C1QTNF3: variants seen among roughly 807,000 people sequenced by gnomAD.
The protein encoded by C1QTNF3 is complement C1q tumor necrosis factor-related protein 3.
C1QTNF3 carries 26 observed loss-of-function variants against 32.6 expected under a neutral mutation model. The observed-to-expected ratio is 0.80, with a 90% CI of 0.58 to 1.11. C1QTNF3 has a LOEUF of 1.11. Ranked by LOEUF, C1QTNF3 falls within the 50% of genes least tolerant of loss-of-function variation. C1QTNF3 has a pLI of 0.00. For synonymous variants in C1QTNF3, 155 were observed against 146.0 expected (o/e 1.06, Z -0.44); for missense variants, 362 against 398.2 (o/e 0.91, Z 0.77).
At chr5:34,170,750 A>G in the C1QTNF3 span, among the ~76,000 whole-genome samples, 2 of 152,202 alleles carry the variant, frequency 1.3e-5, no homozygotes, top group Admixed American at 1.3e-4. Context: ...CCTTAAATTC[A>G]GTACACAAGA....
chr5:34,202,851 C>G, the C1QTNF3 span, among the ~76,000 whole-genome samples: 1 of 151,738 alleles, frequency 6.6e-6, no homozygotes, highest in African/African-American at 2.4e-5. Flanking sequence ...TTCACTAAAC[C>G]TCTCTCAGCT....
the C1QTNF3 span, among the ~76,000 whole-genome samples, chr5:34,080,296 T>C: frequency 2.0e-5 from 3 of 151,772 alleles, no homozygotes; most frequent in South Asian, 2.1e-4. Flanking sequence ...ATCTTCATTA[T>C]TAGGATCTCA....
At chr5:34,171,381 A>T in the C1QTNF3 span, among the ~76,000 whole-genome samples, 4 of 151,340 alleles carry the variant, frequency 2.6e-5, no homozygotes, top group African/African-American at 9.7e-5. Flanking sequence ...TATATTATAT[A>T]CTATAAATTC....
At chr5:34,121,690 T>C in the C1QTNF3 span, among the ~76,000 whole-genome samples, 1 of 152,140 alleles carries the variant, frequency 6.6e-6, no homozygotes, top group African/African-American at 2.4e-5. Context: ...CAGGGAGAAT[T>C]AGAAAAATGA....
the C1QTNF3 span, among the ~76,000 whole-genome samples, chr5:34,123,229 G>C: frequency 6.6e-6 from 1 of 152,090 alleles, no homozygotes; most frequent in African/African-American, 2.4e-5. Flanking sequence ...TGGGGGCAAG[G>C]CTGCCTCCAT....
chr5:34,018,375 G>A lies in C1QTNF3; in HGVS notation c.*2208C>T, dbSNP rs1353360190. Among the ~76,000 whole-genome samples, 1 of 152,098 alleles carries A rather than the reference G, an allele frequency of 6.6e-6. No individual in the cohort carries two copies. The highest frequency in any genetic ancestry group is 1.5e-5 in the Non-Finnish European group (1 of 68,004). On this transcript the variant is annotated 3_prime_UTR_variant, in exon 6 of 6. Coordinates refer to ENST00000382065, the MANE Select transcript of C1QTNF3 (RefSeq NM_181435.6). ...GCTAGATACTGTTTCTCTCTCCTGT[G>A]AATTCCTAGCCCTTTGCCTTCTATG...
the C1QTNF3 span, among the ~76,000 whole-genome samples, chr5:34,217,358 T>C: frequency 6.6e-6 from 1 of 152,136 alleles, no homozygotes; most frequent in East Asian, 1.9e-4. Flanking sequence ...TGTCCTCTTT[T>C]ACATATAGGA....
chr5:34,139,731 C>T, the C1QTNF3 span, among the ~76,000 whole-genome samples: 1 of 152,160 alleles, frequency 6.6e-6, no homozygotes, highest in Non-Finnish European at 1.5e-5. Flanking sequence ...TTTCTCTCTG[C>T]ATCATCTAGG....
upstream of C1QTNF3, among the ~76,000 whole-genome samples, chr5:34,044,222 T>G (rs1754943099): frequency 6.6e-6 from 1 of 152,220 alleles, no homozygotes; most frequent in Non-Finnish European, 1.5e-5. Flanking sequence ...AAATGGACAT[T>G]CCTAATTGCT....
At chr5:34,082,167 A>G in the C1QTNF3 span, among the ~76,000 whole-genome samples, 1 of 151,598 alleles carries the variant, frequency 6.6e-6, no homozygotes, top group Admixed American at 6.6e-5. Flanking sequence ...GATATAAATG[A>G]GATGTTGCTT....
the C1QTNF3 span, among the ~76,000 whole-genome samples, chr5:34,089,121 G>T: frequency 2.6e-5 from 4 of 152,288 alleles, 1 homozygote; most frequent in African/African-American, 9.6e-5. Flanking sequence ...GGGCTGTGAA[G>T]CAGTTTCAAG....
the C1QTNF3 span, among the ~76,000 whole-genome samples, chr5:34,222,930 C>T: frequency 3.3e-5 from 5 of 151,852 alleles, no homozygotes; most frequent in African/African-American, 1.2e-4. Flanking sequence ...TGACTCCCTC[C>T]TTCTTATTAA....
the C1QTNF3 span, among the ~76,000 whole-genome samples, chr5:34,138,359 C>T: frequency 4.6e-5 from 7 of 152,030 alleles, no homozygotes; most frequent in Non-Finnish European, 1.0e-4. Flanking sequence ...ATAATATATA[C>T]AACATATAAA....
At chr5:34,031,064 A>G (rs986572892) in intron 3 of C1QTNF3, among the ~76,000 whole-genome samples, 2 of 152,194 alleles carry the variant, frequency 1.3e-5, no homozygotes, top group Non-Finnish European at 2.9e-5. Context: ...AAACCTGCAC[A>G]TGTACCCCTG....
At chr5:34,068,803 T>C in the C1QTNF3 span, among the ~76,000 whole-genome samples, 1 of 152,176 alleles carries the variant, frequency 6.6e-6, no homozygotes, top group South Asian at 2.1e-4. Context: ...TAACATTATA[T>C]GTGAAAAGGC....
At chr5:34,103,734 A>C in the C1QTNF3 span, among the ~76,000 whole-genome samples, 17 of 143,112 alleles carry the variant, frequency 1.2e-4, no homozygotes, top group African/African-American at 4.5e-4. Context: ...AGGCAAGAGA[A>C]TTGCTTAAAC....
Position 34,018,958 on chromosome 5 carries a change from C to T in C1QTNF3, c.*1625G>A, listed in dbSNP as rs989737398. Among the ~76,000 whole-genome samples, 2 of 152,108 alleles carry T rather than the reference C, an allele frequency of 1.3e-5. No homozygotes were observed. Among genetic ancestry groups the T allele is most frequent in the Non-Finnish European group, 2.9e-5 (2 of 68,030 alleles). ...CCTGGTCAACATGGTGAAACCCCATCTCTATTAGAAACATTAAAAATTAGC... is the reference window on the plus strand; with the variant it reads ...CCTGGTCAACATGGTGAAACCCCATTTCTATTAGAAACATTAAAAATTAGC... On this transcript the variant is annotated 3_prime_UTR_variant, in exon 6 of 6. Coordinates refer to ENST00000382065, the MANE Select transcript of C1QTNF3 (RefSeq NM_181435.6).
At chr5:34,053,294 C>T in the C1QTNF3 span, among the ~76,000 whole-genome samples, 2 of 152,208 alleles carry the variant, frequency 1.3e-5, no homozygotes, top group Non-Finnish European at 2.9e-5. Flanking sequence ...ACACTCCACC[C>T]GAACCACAAA....
At chr5:34,209,018 G>C in the C1QTNF3 span, among the ~76,000 whole-genome samples, 6 of 152,154 alleles carry the variant, frequency 3.9e-5, no homozygotes, top group South Asian at 4.1e-4. Flanking sequence ...TTCACATCCG[G>C]TAAGTTTAGG....
Sources: allele counts gnomAD v4.1 joint callset (sites outside exome capture counted in the v4.1 genomes callset), GRCh38; gene constraint gnomAD v4.1.1; transcripts MANE v1.5; gene names NCBI Gene and HGNC (gene_info 2026-07-23, HGNC 2026-07-21).